GRM8: variants seen among roughly 807,000 people sequenced by gnomAD.
GRM8 encodes metabotropic glutamate receptor 8.
Under a neutral mutation model 87.2 loss-of-function variants are expected in GRM8, and 47 were observed. The observed-to-expected ratio is 0.54, with a 90% CI of 0.43 to 0.69. GRM8 has a LOEUF of 0.69. GRM8 is among the 30% of genes least tolerant of loss of function. The pLI, the probability that GRM8 is intolerant of heterozygous loss-of-function variation, is 0.00. For missense variants in GRM8, 1,019 were observed against 1,139.2 expected, an observed-to-expected ratio of 0.89 and a Z score of 1.52; for synonymous variants, 396 against 404.5, an observed-to-expected ratio of 0.98 and a Z score of 0.25.
At chr7:126,947,760 G>A (rs1178659725) in intron 3 of GRM8, among the ~76,000 whole-genome samples, 3 of 151,972 alleles carry the variant, frequency 2.0e-5, no homozygotes, top group Admixed American at 6.6e-5. Context: ...TCTCTCAGTC[G>A]AAATCACTCA....
chr7:127,150,625 GA>G (rs779283449), intron 2 of GRM8, among the ~76,000 whole-genome samples: 2 of 152,118 alleles, frequency 1.3e-5, no homozygotes, highest in Non-Finnish European at 2.9e-5. Context: ...CGGGACAACT[GA>G]AAAAAACAGA....
chr7:126,466,352 T>C (rs1036146281), intron 9 of GRM8, among the ~76,000 whole-genome samples: 3 of 151,950 alleles, frequency 2.0e-5, no homozygotes, highest in African/African-American at 7.2e-5. Flanking sequence ...ATTTACTTGA[T>C]GTCTGTTGAT....
At chr7:127,219,800 C>G (rs1796803806) in intron 2 of GRM8, 1 of 152,200 alleles carries the variant, frequency 6.6e-6, no homozygotes. Context: ...TATACCCACC[C>G]CAAAAGCTCC....
intron 9 of GRM8, among the ~76,000 whole-genome samples, chr7:126,477,256 A>G (rs993244703): frequency 2.0e-5 from 3 of 152,032 alleles, no homozygotes; most frequent in African/African-American, 4.8e-5. Context: ...GAAATGGGGT[A>G]ATGTTGGTCA....
chr7:126,955,345 G>A (rs1438814993), intron 3 of GRM8, among the ~76,000 whole-genome samples: 1 of 152,024 alleles, frequency 6.6e-6, no homozygotes, highest in Non-Finnish European at 1.5e-5. Flanking sequence ...CCAATACAAA[G>A]GCTGTAAAAT....
At chr7:126,757,578 G>C (rs1486651044) in intron 7 of GRM8, among the ~76,000 whole-genome samples, 1 of 152,082 alleles carries the variant, frequency 6.6e-6, no homozygotes, top group Non-Finnish European at 1.5e-5. Context: ...TAAATAAATA[G>C]GGCATATGAC....
rs1251850002 is a variant in GRM8, at chr7:126,453,096, CACACACACACACACACAT to C, written c.2431-6742_2431-6725del. On this transcript the variant is annotated intron_variant, in intron 9 of 10. Transcript: ENST00000339582. Reference sequence around the variant, plus strand: ...ACACACACACACACACACACACACACACACACACACACACACATACAAGCAAAATGGTTTATTCATAAG... The same window carrying C: ...ACACACACACACACACACACACACACACAAGCAAAATGGTTTATTCATAAG... Among the ~76,000 whole-genome samples, 18 of 150,682 alleles carry C rather than the reference CACACACACACACACACAT, an allele frequency of 1.2e-4. No individual in the cohort carries two copies. In the East Asian group the frequency reaches 2.6e-3, roughly 21 times the overall value.
chr7:126,742,228 A>T (rs1224284240), intron 7 of GRM8, among the ~76,000 whole-genome samples: 2 of 152,086 alleles, frequency 1.3e-5, no homozygotes, highest in Non-Finnish European at 2.9e-5. Flanking sequence ...TGTTGCAGTA[A>T]TTAAATTAAA....
At chr7:127,050,140 G>C (rs1391513666) in intron 3 of GRM8, among the ~76,000 whole-genome samples, 1 of 152,160 alleles carries the variant, frequency 6.6e-6, no homozygotes, top group East Asian at 1.9e-4. Flanking sequence ...GACTGGAAGG[G>C]AACAAGAATG....
At chr7:126,478,684 C>A (rs1192282701) in intron 9 of GRM8, among the ~76,000 whole-genome samples, 1 of 152,030 alleles carries the variant, frequency 6.6e-6, no homozygotes, top group African/African-American at 2.4e-5. Flanking sequence ...ATCTAGTTAT[C>A]ATTCTCAAAA....
chr7:126,543,946 A>C (rs1211497765), intron 8 of GRM8, among the ~76,000 whole-genome samples: 1 of 152,238 alleles, frequency 6.6e-6, no homozygotes, highest in Non-Finnish European at 1.5e-5. Flanking sequence ...GTATGAAGAC[A>C]GTAATATTTC....
chr7:126,869,016 A>G (rs1477876246), intron 6 of GRM8: 1 of 152,222 alleles, frequency 6.6e-6, no homozygotes, highest in Non-Finnish European at 1.5e-5. Flanking sequence ...CAATCCTCTC[A>G]AATCTTGCCA....
intron 3 of GRM8, among the ~76,000 whole-genome samples, chr7:127,044,975 T>C (rs892598194): frequency 1.3e-5 from 2 of 152,210 alleles, no homozygotes; most frequent in African/African-American, 2.4e-5. Flanking sequence ...AATGAATTTA[T>C]ACTCCCAAAT....
chr7:126,549,446 C>T (rs1792328598), intron 8 of GRM8, among the ~76,000 whole-genome samples: 1 of 152,056 alleles, frequency 6.6e-6, no homozygotes, highest in Admixed American at 6.5e-5. Flanking sequence ...AAAAGATAGT[C>T]TCAAGTTTTG....
intron 3 of GRM8, among the ~76,000 whole-genome samples, chr7:126,984,908 T>C (rs1215331415): frequency 6.6e-6 from 1 of 152,174 alleles, no homozygotes; most frequent in African/African-American, 2.4e-5. Flanking sequence ...TTTAGACCTT[T>C]CAGGCGGATG....
At chr7:126,594,661 G>A (rs1472514039) in intron 8 of GRM8, among the ~76,000 whole-genome samples, 1 of 152,024 alleles carries the variant, frequency 6.6e-6, no homozygotes, top group African/African-American at 2.4e-5. Context: ...CTATTGTACA[G>A]CATAGTGACT....
At chr7:126,505,905 C>T (rs1266342946) in intron 9 of GRM8, among the ~76,000 whole-genome samples, 1 of 151,964 alleles carries the variant, frequency 6.6e-6, no homozygotes. Context: ...ATAGGTGTTG[C>T]TAACTATATT....
chr7:126,482,503 G>T (rs1257825145), intron 9 of GRM8, among the ~76,000 whole-genome samples: 1 of 151,964 alleles, frequency 6.6e-6, no homozygotes, highest in Non-Finnish European at 1.5e-5. Context: ...ACTTCAACAT[G>T]AATGAATCTG....
At chr7:126,892,176 G>A (rs1331971537) in intron 6 of GRM8, among the ~76,000 whole-genome samples, 2 of 150,578 alleles carry the variant, frequency 1.3e-5, no homozygotes, top group Non-Finnish European at 3.0e-5. Flanking sequence ...AAGTTTCAGG[G>A]TACATGTGCA....
Sources: gnomAD v4.1 joint callset for allele counts (sites outside exome capture counted in the v4.1 genomes callset) on GRCh38, gnomAD v4.1.1 for gene constraint, MANE v1.5 for transcripts, NCBI Gene and HGNC (gene_info 2026-07-23, HGNC 2026-07-21) for gene names.